The following YAF2 variants were observed in gnomAD, a reference collection of about 807,000 sequenced individuals.
YAF2 encodes YY1 associated factor 2, also known as YY1-associated factor 2.
YAF2 carries 7 observed loss-of-function variants against 20.1 expected under a neutral mutation model. The ratio of observed to expected loss-of-function variants is 0.35; its 90% confidence interval spans 0.20 to 0.65. YAF2 has a LOEUF of 0.65. Among genes scored for constraint, YAF2 ranks in the 30% least tolerant of loss-of-function variants. The probability of loss-of-function intolerance (pLI) is 0.69; values close to 1 mark genes in which losing one functional copy is unlikely to be tolerated. For missense variants in YAF2, 151 were observed against 219.2 expected (o/e 0.69, Z 1.96); for synonymous variants, 74 against 76.0 (o/e 0.97, Z 0.14).
Position 42,159,519 on chromosome 12 carries a change from G to A in YAF2, c.*1070C>T, listed in dbSNP as rs1220059110. The A allele has an allele frequency of 6.6e-6, 1 of 152,084 alleles. No individual in the cohort carries two copies. The highest frequency in any genetic ancestry group is 6.5e-5 in the Admixed American group (1 of 15,272). 9.4% of individuals were successfully genotyped at this position (152,084 alleles called of 1,614,324 possible). A position where few individuals can be genotyped will look rare whatever the true frequency, so the allele number is the denominator to read the frequency against. On this transcript the variant is annotated 3_prime_UTR_variant, in exon 4 of 4. Coordinates refer to ENST00000534854, the MANE Select transcript of YAF2 (RefSeq NM_005748.6). ...TACTTTTTTCCTTTCAGGATACTGAGAAATGTGTAAACTGGCAGCTGTGTC... is the reference window on the plus strand; with the variant it reads ...TACTTTTTTCCTTTCAGGATACTGAAAAATGTGTAAACTGGCAGCTGTGTC...
chr12:42,179,895 T>G (rs925067775), intron 2 of YAF2, among the ~76,000 whole-genome samples: 6 of 151,992 alleles, frequency 3.9e-5, no homozygotes, highest in Non-Finnish European at 8.8e-5. Context: ...ATGGATAGAC[T>G]GATAGTATAC....
At chr12:42,237,869 G>A in intron 1 of YAF2, 145 bp from the exon 2 acceptor site, 1 of 743,464 alleles carries the variant, frequency 1.3e-6, no homozygotes, top group Non-Finnish European at 1.6e-6. Context: ...CCGCGCTCCG[G>A]CTGAGGGGGA....
intron 2 of YAF2, among the ~76,000 whole-genome samples, chr12:42,183,172 T>C (rs541897712): frequency 6.6e-6 from 1 of 152,310 alleles, no homozygotes; most frequent in South Asian, 2.1e-4. Flanking sequence ...GTGTTCTGGC[T>C]GCTCCACTGA....
Position 42,238,138 on chromosome 12 carries a change from G to T in YAF2, c.26+17C>A. On this transcript the variant is annotated intron_variant, in intron 1 of 3. Transcript: ENST00000534854. ...GCCGCCCGCACAGTCCGGGCCCCGG[G>T]GCCCGGGCGCTGTTACCTGGTGGGG... is the stretch of plus-strand genomic sequence containing the variant. The T allele has an allele frequency of 1.3e-6, 2 of 1,537,216 alleles. No individual in the cohort carries two copies. Among genetic ancestry groups the T allele is most frequent in the East Asian group, 2.7e-5 (1 of 37,198 alleles).
At chr12:42,232,119 T>C (rs2068000233) in intron 2 of YAF2, 1 of 152,280 alleles carries the variant, frequency 6.6e-6, no homozygotes, top group Admixed American at 6.5e-5. Context: ...TGAGATGTAA[T>C]AAAATTAGTA....
At chr12:42,199,086 G>T in intron 2 of YAF2, 2 of 1,016,362 alleles carry the variant, frequency 2.0e-6, no homozygotes, top group Non-Finnish European at 2.6e-6. Flanking sequence ...TTTCCTCTTG[G>T]GTACATCTTC....
chr12:42,193,247 G>A (rs973109870), intron 2 of YAF2, among the ~76,000 whole-genome samples: 39 of 151,244 alleles, frequency 2.6e-4, no homozygotes, highest in Admixed American at 1.3e-4. Flanking sequence ...CTGGGGAGGC[G>A]GAGGCTGCAG....
intron 2 of YAF2, among the ~76,000 whole-genome samples, chr12:42,168,651 T>A (rs2065971784): frequency 6.6e-6 from 1 of 152,142 alleles, no homozygotes; most frequent in Non-Finnish European, 1.5e-5. Flanking sequence ...ATCCTTTTTA[T>A]ACACAATTTC....
intron 2 of YAF2, among the ~76,000 whole-genome samples, chr12:42,177,505 T>G (rs913463766): frequency 6.6e-6 from 1 of 152,138 alleles, no homozygotes; most frequent in Non-Finnish European, 1.5e-5. Flanking sequence ...TCCCTCTTCT[T>G]ACAAGGCCAC....
At chr12:42,217,132 G>A (rs7302687) in intron 2 of YAF2, among the ~76,000 whole-genome samples, 106,101 of 152,130 alleles carry the variant, frequency 0.7, 38,077 homozygotes, top group African/African-American at 0.86. Context: ...AATAAAATCT[G>A]TCGGCTGTGG....
At chr12:42,182,244 G>C (rs75908309) in intron 2 of YAF2, among the ~76,000 whole-genome samples, 2 of 152,074 alleles carry the variant, frequency 1.3e-5, no homozygotes, top group Admixed American at 1.3e-4. Context: ...GAAGCAGAAG[G>C]CATGAAATTC....
chr12:42,178,865 T>C (rs1226535751), intron 2 of YAF2, among the ~76,000 whole-genome samples: 2 of 152,062 alleles, frequency 1.3e-5, no homozygotes, highest in Admixed American at 6.6e-5. Flanking sequence ...TGGCGACATA[T>C]TGGAATCATC....
At chr12:42,213,818 G>GT (rs1182068013) in intron 2 of YAF2, among the ~76,000 whole-genome samples, 7 of 152,222 alleles carry the variant, frequency 4.6e-5, no homozygotes, top group African/African-American at 7.2e-5. Flanking sequence ...CAAGGTATTA[G>GT]TAACAGTAAG....
intron 2 of YAF2, among the ~76,000 whole-genome samples, chr12:42,194,368 G>A (rs1337196368): frequency 6.6e-6 from 1 of 152,170 alleles, no homozygotes; most frequent in Non-Finnish European, 1.5e-5. Flanking sequence ...AGCCGGCCAG[G>A]CAGGATGGCT....
chr12:42,206,941 T>C (rs2067062035), intron 2 of YAF2, among the ~76,000 whole-genome samples: 1 of 152,102 alleles, frequency 6.6e-6, no homozygotes, highest in Non-Finnish European at 1.5e-5. Flanking sequence ...AGATTCAAAA[T>C]TGTTAACATT....
At chr12:42,227,711 G>A (rs374036079) in intron 2 of YAF2, among the ~76,000 whole-genome samples, 4 of 149,824 alleles carry the variant, frequency 2.7e-5, no homozygotes, top group Non-Finnish European at 4.4e-5. Context: ...AGTGAGGAGC[G>A]TCTCCGCCCG....
intron 2 of YAF2, 189 bp downstream of exon 2, chr12:42,237,410 A>T (rs1336653845): frequency 1.5e-6 from 2 of 1,292,246 alleles, no homozygotes; most frequent in Non-Finnish European, 2.0e-6. Flanking sequence ...CAGCCTCTTC[A>T]ATTACCCCTC....
At chr12:42,166,786 G>A (rs1355902526) in intron 2 of YAF2, among the ~76,000 whole-genome samples, 3 of 139,388 alleles carry the variant, frequency 2.2e-5, no homozygotes, top group African/African-American at 2.7e-5. Flanking sequence ...ATTAGGAGCA[G>A]AAAATGAAAA....
intron 2 of YAF2, among the ~76,000 whole-genome samples, chr12:42,170,188 A>G (rs1417997715): frequency 6.6e-6 from 1 of 152,024 alleles, no homozygotes; most frequent in African/African-American, 2.4e-5. Flanking sequence ...TGTGTTTTTG[A>G]TAAGTCAGTC....
Sources: allele counts gnomAD v4.1 joint callset (sites outside exome capture counted in the v4.1 genomes callset), GRCh38; gene constraint gnomAD v4.1.1; transcripts MANE v1.5; gene names NCBI Gene and HGNC (gene_info 2026-07-23, HGNC 2026-07-21).